The following WNK2 variants were observed in gnomAD, a reference collection of about 807,000 sequenced individuals.
The protein encoded by WNK2 is WNK lysine deficient protein kinase 2.
WNK2 carries 67 observed loss-of-function variants against 192.1 expected under a neutral mutation model. That is an observed-to-expected ratio of 0.35 (90% CI 0.29 to 0.43). WNK2 has a LOEUF of 0.43. Among genes scored for constraint, WNK2 ranks in the 20% least tolerant of loss-of-function variants. The probability of loss-of-function intolerance (pLI) is 1.00; values close to 1 mark genes in which losing one functional copy is unlikely to be tolerated. For missense variants in WNK2, 2,698 were observed against 3,089.7 expected, an observed-to-expected ratio of 0.87 and a Z score of 3.01; for synonymous variants, 1,439 against 1,393.9, an observed-to-expected ratio of 1.03 and a Z score of -0.72.
intron 14 of WNK2, chr9:93,263,147 C>A: frequency 2.7e-6 from 1 of 376,344 alleles, no homozygotes; most frequent in Admixed American, 4.3e-5. Context: ...CTTATTTGAA[C>A]TGTGACCATT....
rs1472235700 is a variant in WNK2, at chr9:93,184,259, G to A, written c.-129G>A. 6.6e-6 allele frequency among the ~76,000 whole-genome samples: 1 copy of A among 150,834 alleles called. No homozygotes were observed. Among genetic ancestry groups the A allele is most frequent in the Non-Finnish European group, 1.5e-5 (1 of 67,586 alleles). On this transcript the variant is annotated 5_prime_UTR_variant, in exon 1 of 30. Coordinates refer to ENST00000427277, the MANE Select transcript of WNK2 (RefSeq NM_006648.4). ...GAGAGCAGCGCGCAGGAGCTGGAGCGGCGCCACGGCCCCCACCCCAGCGCG... is the reference window on the plus strand; with the variant it reads ...GAGAGCAGCGCGCAGGAGCTGGAGCAGCGCCACGGCCCCCACCCCAGCGCG...
At position 93,185,098 on chromosome 9, in the gene WNK2, T is replaced by C. The variant is rs1008314211; in HGVS notation, c.169T>C (p.Leu57=). 1.5e-6 allele frequency: 2 copies of C among 1,315,780 alleles called. No homozygotes were observed. Among genetic ancestry groups the C allele is most frequent in the Middle Eastern group, 2.8e-4 (1 of 3,512 alleles). The allele number at this position is 1,315,780 out of a possible 1,614,324, so 81.5% of individuals were successfully genotyped here. A position where few individuals can be genotyped will look rare whatever the true frequency, so the allele number is the denominator to read the frequency against. Reference sequence around the variant, plus strand: ...GTCGGACCAGGAGGAGCCGCCGGGCTTGGAGGCAGCCGAGGCGCCGGGCCC... The same window carrying C: ...GTCGGACCAGGAGGAGCCGCCGGGCCTGGAGGCAGCCGAGGCGCCGGGCCC... ...VESDQEEPPG[L]EAAEAPGPQP... Residue 57 remains leucine (L), a synonymous_variant, in exon 2 of 30, where the codon TTG becomes CTG. Transcript: ENST00000427277.
Position 93,259,893 on chromosome 9 carries a change from G to T in WNK2, c.3066+279G>T, listed in dbSNP as rs541484567. 2.0e-5 allele frequency among the ~76,000 whole-genome samples: 3 copies of T among 152,364 alleles called. No homozygotes were observed. The highest frequency in any genetic ancestry group is 2.0e-4 in the Admixed American group (3 of 15,310). Reference sequence around the variant, plus strand: ...TGGCTCTGTGGCCCCTGCTCTTGTGGTATCTTTGTACCTGCCCTCACCCAG... The same window carrying T: ...TGGCTCTGTGGCCCCTGCTCTTGTGTTATCTTTGTACCTGCCCTCACCCAG... On this transcript the variant is annotated intron_variant, in intron 12 of 29. Coordinates refer to ENST00000427277, the MANE Select transcript of WNK2 (RefSeq NM_006648.4). The surrounding 1 kb of genome is among the most constrained non-coding windows in gnomAD (Gnocchi z 4.8).
At chr9:93,197,839 C>T (rs769482724) in intron 2 of WNK2, among the ~76,000 whole-genome samples, 2 of 152,096 alleles carry the variant, frequency 1.3e-5, no homozygotes, top group East Asian at 1.9e-4. Context: ...TGTTTCTGTA[C>T]GACCGTGTGA....
rs768772789 is a variant in WNK2 at position 93,292,982 on chromosome 9, G to T, written c.5517G>T (p.Lys1839Asn). 1.5e-5 allele frequency: 23 copies of T among 1,556,616 alleles called. No individual in the cohort carries two copies. The Admixed American group carries it at 1.6e-4, about 11-fold the overall frequency. ...GCGTGGCTGGCGACTTCGTGAAGAAGGCCACCGCCTTCCTGCAGAGGCCTT... is the reference window on the plus strand; with the variant it reads ...GCGTGGCTGGCGACTTCGTGAAGAATGCCACCGCCTTCCTGCAGAGGCCTT... ...SGSVAGDFVK[K>N]ATAFLQRPSR... The change falls in exon 23 of 30, where the codon AAG (lysine) becomes AAT (asparagine). Residue 1839 changes from lysine to asparagine, a missense_variant. Lys to Asn is a moderately conservative substitution (Grantham distance 94, BLOSUM62 0). Around this residue, in one of 7 missense-constraint regions of WNK2, gnomAD observed 1,098 missense variants for 1,101.0 expected, o/e 1.00. Transcript: ENST00000427277.
At chr9:93,194,698 T>C (rs1830919731) in intron 2 of WNK2, among the ~76,000 whole-genome samples, 1 of 152,244 alleles carries the variant, frequency 6.6e-6, no homozygotes, top group Non-Finnish European at 1.5e-5. Flanking sequence ...GCAACTGCGT[T>C]CCTTGGTATT....
At position 93,213,015 on chromosome 9, in the gene WNK2, A is replaced by G. The variant is rs1237450724; in HGVS notation, c.682-16681A>G. The stretch of plus-strand genomic sequence containing the variant: ...ACCTGAGCTTTTCTAGTCTCAGTCA[A>G]GGAGGAGAGATGGCTTTTCCCTCAT... On this transcript the variant is annotated intron_variant, in intron 2 of 29. Coordinates refer to ENST00000427277, the MANE Select transcript of WNK2 (RefSeq NM_006648.4). 3.9e-5 allele frequency among the ~76,000 whole-genome samples: 6 copies of G among 151,998 alleles called. No homozygotes were observed. In the East Asian group the frequency reaches 9.7e-4, roughly 24 times the overall value.
intron 2 of WNK2, among the ~76,000 whole-genome samples, chr9:93,211,805 T>G (rs1834817110): frequency 6.6e-6 from 1 of 152,006 alleles, no homozygotes; most frequent in Non-Finnish European, 1.5e-5. Flanking sequence ...AGTCACTTTT[T>G]GGTCCACTTA....
At chr9:93,277,415 T>G (rs1203791922) in intron 19 of WNK2, among the ~76,000 whole-genome samples, 1 of 152,214 alleles carries the variant, frequency 6.6e-6, no homozygotes, top group African/African-American at 2.4e-5. Context: ...GTATGAATGA[T>G]TGTAGTTTTA....
chr9:93,211,032 A>G (rs1304582587), intron 2 of WNK2, among the ~76,000 whole-genome samples: 1 of 151,962 alleles, frequency 6.6e-6, no homozygotes, highest in African/African-American at 2.4e-5. Context: ...CTCACTATAC[A>G]TTCACTCACA....
Position 93,308,433 on chromosome 9 carries a change from C to T in WNK2, c.6365C>T (p.Thr2122Met), listed in dbSNP as rs781387479. ...AGCAACAACAAGAAGGGTACCTTCACGGACGACCTGCACAAGCTGGTGGAC... is the reference window on the plus strand; with the variant it reads ...AGCAACAACAAGAAGGGTACCTTCATGGACGACCTGCACAAGCTGGTGGAC... Reference protein sequence around the residue: ...NNSNNKKGTFTDDLHKLVDEW... With the variant: ...NNSNNKKGTFMDDLHKLVDEW... The change falls in exon 28 of 30, where the codon ACG becomes ATG. Residue 2122 changes from threonine to methionine, a missense_variant. Coordinates refer to ENST00000427277, the MANE Select transcript of WNK2 (RefSeq NM_006648.4). 5.6e-6 allele frequency: 9 copies of T among 1,608,004 alleles called. No individual in the cohort carries two copies. The highest frequency in any genetic ancestry group is 4.5e-5 in the East Asian group (2 of 44,634).
At chr9:93,308,282 G>T in intron 27 of WNK2, 46 bp from the exon 28 acceptor site, 1 of 1,529,346 alleles carries the variant, frequency 6.5e-7, no homozygotes, top group Non-Finnish European at 8.8e-7. Flanking sequence ...GGGGGCCTGG[G>T]TGCGTGTGTG....
chr9:93,317,720 GC>G (rs1479665695), intron 29 of WNK2, 89 bp downstream of exon 29: 1 of 1,515,732 alleles, frequency 6.6e-7, no homozygotes, highest in East Asian at 2.4e-5. Context: ...TGTCCTGGGG[GC>G]CCTGGGCAGG....
intron 29 of WNK2, chr9:93,318,756 C>T (rs1019806598): frequency 2.7e-5 from 38 of 1,419,022 alleles, no homozygotes; most frequent in Middle Eastern, 5.2e-4. Context: ...GCCTGCTCTG[C>T]GGAGGGCGGG....
At chr9:93,293,444 C>T (rs1027222515) in intron 23 of WNK2, among the ~76,000 whole-genome samples, 3 of 152,028 alleles carry the variant, frequency 2.0e-5, no homozygotes, top group Admixed American at 6.5e-5. Flanking sequence ...CTCAGCCTCC[C>T]GAGTAGCTGG....
intron 19 of WNK2, among the ~76,000 whole-genome samples, chr9:93,285,311 GAAAT>G (rs1476203969): frequency 6.6e-6 from 1 of 152,128 alleles, no homozygotes; most frequent in Non-Finnish European, 1.5e-5. Context: ...TGGAAAGGAA[GAAAT>G]AAAACTACCA....
At chr9:93,238,433 G>C in intron 6 of WNK2, 112 bp downstream of exon 6, 1 of 1,058,612 alleles carries the variant, frequency 9.4e-7, no homozygotes, top group Non-Finnish European at 1.4e-6. Flanking sequence ...GCAGGCTCAG[G>C]CCAGGGTGTC....
intron 18 of WNK2, 26 bp from the exon 19 acceptor site, chr9:93,268,601 C>T (rs544537883): frequency 5.6e-6 from 9 of 1,597,984 alleles, no homozygotes; most frequent in East Asian, 2.3e-5. Context: ...ACTCACTCAG[C>T]GTGCTGTTTC....
intron 7 of WNK2, among the ~76,000 whole-genome samples, chr9:93,241,153 A>G (rs12341303): frequency 0.39 from 59,736 of 152,188 alleles, 13,545 homozygotes; most frequent in Admixed American, 0.51. Context: ...CAGGGCCTAG[A>G]GACAGACAGA....
Sources: allele counts gnomAD v4.1 joint callset (sites outside exome capture counted in the v4.1 genomes callset), GRCh38; gene constraint gnomAD v4.1.1; regional missense constraint gnomAD v4.1.1; non-coding constraint Gnocchi (gnomAD v3.1); transcripts MANE v1.5; gene names NCBI Gene and HGNC (gene_info 2026-07-23, HGNC 2026-07-21).